ESYT2: variants seen among roughly 807,000 people sequenced by gnomAD.
ESYT2 encodes the protein extended synaptotagmin-2.
Under a neutral mutation model 107.2 loss-of-function variants are expected in ESYT2, and 54 were observed. The ratio of observed to expected loss-of-function variants is 0.50; its 90% CI spans 0.40 to 0.63. ESYT2 has a LOEUF of 0.63. Among genes scored for constraint, ESYT2 ranks in the 30% least tolerant of loss-of-function variants. ESYT2 has a pLI of 0.00. For synonymous variants in ESYT2, 491 were observed against 434.1 expected (o/e 1.13, Z -1.63); for missense variants, 1,020 against 1,094.5 (o/e 0.93, Z 0.96).
chr7:158,809,577 A>G (rs940654586), intron 1 of ESYT2, among the ~76,000 whole-genome samples: 9 of 152,164 alleles, frequency 5.9e-5, no homozygotes, highest in Non-Finnish European at 4.4e-5. Context: ...GAAGCACATG[A>G]AAAGATGCTC....
intron 1 of ESYT2, among the ~76,000 whole-genome samples, chr7:158,815,086 G>A (rs978394518): frequency 3.3e-5 from 5 of 152,198 alleles, no homozygotes; most frequent in African/African-American, 1.2e-4. Context: ...TGACTTCCAT[G>A]TAAAGAGTTA....
At chr7:158,737,285 A>G in intron 19 of ESYT2, 106 bp from the exon 20 acceptor site, 1 of 1,399,272 alleles carries the variant, frequency 7.1e-7, no homozygotes. Context: ...TTTATCTACA[A>G]ACCGAGAAGC....
chr7:158,735,329 C>G (rs1331053754), intron 21 of ESYT2, among the ~76,000 whole-genome samples, 174 bp downstream of exon 21: 1 of 152,216 alleles, frequency 6.6e-6, no homozygotes, highest in Admixed American at 6.5e-5. Context: ...CTTAAAATAT[C>G]TTCAGAAAGC....
At chr7:158,735,267 AAG>A (rs1836889305) in intron 21 of ESYT2, among the ~76,000 whole-genome samples, 1 of 152,362 alleles carries the variant, frequency 6.6e-6, no homozygotes, top group African/African-American at 2.4e-5. Flanking sequence ...ATGGAATTGT[AAG>A]AGATTATTTT....
At chr7:158,739,230 A>T in intron 18 of ESYT2, 109 bp from the exon 19 acceptor site, 1 of 893,830 alleles carries the variant, frequency 1.1e-6, no homozygotes, top group Non-Finnish European at 1.7e-6. Context: ...AGACAAAAAG[A>T]AGTCAAATTA....
intron 13 of ESYT2, among the ~76,000 whole-genome samples, chr7:158,755,560 G>T (rs186651765): frequency 1.3e-5 from 2 of 152,156 alleles, no homozygotes; most frequent in African/African-American, 2.4e-5. Context: ...ATTTACACTA[G>T]TCTATGATGA....
intron 16 of ESYT2, among the ~76,000 whole-genome samples, chr7:158,745,864 T>A (rs540620485): frequency 2.9e-3 from 447 of 152,312 alleles, no homozygotes; most frequent in Non-Finnish European, 5.3e-3. Context: ...GTGAAATTTA[T>A]TGGAGTAAAT....
chr7:158,733,925 C>T lies in ESYT2; in HGVS notation c.*282G>A. Reference sequence around the variant, plus strand: ...CATAATAAAGCACAGACACATCCGACTCCTACGGACACAGCTGAGCAGAGT... The same window carrying T: ...CATAATAAAGCACAGACACATCCGATTCCTACGGACACAGCTGAGCAGAGT... On this transcript the variant is annotated 3_prime_UTR_variant, in exon 23 of 23. Coordinates refer to ENST00000275418, the MANE Select transcript of ESYT2 (RefSeq NM_001367773.1). 1 of 429,224 alleles carries T rather than the reference C, an allele frequency of 2.3e-6. No homozygotes were observed. The highest frequency in any genetic ancestry group is 4.3e-6 in the Non-Finnish European group (1 of 235,248). 26.6% of individuals were successfully genotyped at this position (429,224 alleles called of 1,614,324 possible).
At chr7:158,757,060 G>GT (rs1349617538) in intron 13 of ESYT2, among the ~76,000 whole-genome samples, 2 of 151,908 alleles carry the variant, frequency 1.3e-5, no homozygotes, top group Non-Finnish European at 1.5e-5. Context: ...CTCAGGAGAG[G>GT]TTTTTTTCAA....
chr7:158,747,571 G>A (rs898118849), intron 16 of ESYT2, among the ~76,000 whole-genome samples: 2 of 152,098 alleles, frequency 1.3e-5, no homozygotes, highest in Non-Finnish European at 2.9e-5. Context: ...CAGCACTGGC[G>A]AGATGTGGGG....
At chr7:158,817,423 A>G (rs1309824691) in intron 1 of ESYT2, among the ~76,000 whole-genome samples, 1 of 152,196 alleles carries the variant, frequency 6.6e-6, no homozygotes, top group African/African-American at 2.4e-5. Context: ...AATCAGAAAA[A>G]TCTTTGAGTC....
intron 1 of ESYT2, among the ~76,000 whole-genome samples, chr7:158,807,431 G>A (rs1018004755): frequency 6.6e-6 from 1 of 151,964 alleles, no homozygotes; most frequent in African/African-American, 2.4e-5. Flanking sequence ...AAATTATCGC[G>A]ACTTATGAGA....
intron 6 of ESYT2, among the ~76,000 whole-genome samples, chr7:158,777,177 C>T (rs1405879360): frequency 2.6e-5 from 4 of 151,998 alleles, no homozygotes; most frequent in Non-Finnish European, 5.9e-5. Flanking sequence ...AAGTGAGAGG[C>T]GTTCAACTCT....
chr7:158,791,305 A>G (rs1284238978), intron 4 of ESYT2, among the ~76,000 whole-genome samples: 2 of 152,226 alleles, frequency 1.3e-5, no homozygotes, highest in Non-Finnish European at 2.9e-5. Context: ...TACAGGCCAC[A>G]TTCTGCTTAT....
intron 5 of ESYT2, 89 bp from the exon 6 acceptor site, chr7:158,788,182 C>T: frequency 8.0e-7 from 1 of 1,250,426 alleles, no homozygotes; most frequent in Non-Finnish European, 1.2e-6. Context: ...ATCTTAGTAA[C>T]TTTTGAGCAT....
At chr7:158,812,178 G>A (rs1347869899) in intron 1 of ESYT2, among the ~76,000 whole-genome samples, 1 of 152,232 alleles carries the variant, frequency 6.6e-6, no homozygotes, top group Non-Finnish European at 1.5e-5. Flanking sequence ...AGAGGACGGG[G>A]GAGCCCCTCT....
intron 1 of ESYT2, among the ~76,000 whole-genome samples, chr7:158,821,464 C>T (rs1305375371): frequency 6.6e-6 from 1 of 152,238 alleles, no homozygotes; most frequent in Non-Finnish European, 1.5e-5. Context: ...TACACAGTAG[C>T]TTTCCTTTTC....
At position 158,738,340 on chromosome 7, in the gene ESYT2, CACAG is replaced by C. The variant is rs1359357695; in HGVS notation, c.2267+679_2267+682del. Among the ~76,000 whole-genome samples, 548 of 64,070 alleles carry C rather than the reference CACAG, an allele frequency of 8.6e-3. 13 individuals carry two copies. The highest frequency in any genetic ancestry group is 0.05 in the East Asian group (128 of 2,568). The allele number at this position is 64,070 out of a possible 152,430, so 42.0% of individuals were successfully genotyped here. A position where few individuals can be genotyped will look rare whatever the true frequency, so the allele number is the denominator to read the frequency against. ...AAAAAAAAAAAAATACACACACACA[CACAG>C]ACACACACACACACACACACACACA... On this transcript the variant is annotated intron_variant, in intron 19 of 22. Coordinates refer to ENST00000275418, the MANE Select transcript of ESYT2 (RefSeq NM_001367773.1).
At position 158,739,141 on chromosome 7, in the gene ESYT2, A is replaced by T. The variant is rs1306512364; in HGVS notation, c.2169-20T>A. On this transcript the variant is annotated intron_variant, in intron 18 of 22. Transcript: ENST00000275418. The stretch of plus-strand genomic sequence containing the variant: ...GTCCCGCTGTGGGAAAAGAGCAGAA[A>T]GTCACCAGCTTGCCTGAGACTGGAG... 6.2e-7 allele frequency: 1 copy of T among 1,610,264 alleles called. No individual in the cohort carries two copies.
Sources: gnomAD v4.1 joint callset for allele counts (sites outside exome capture counted in the v4.1 genomes callset) on GRCh38, gnomAD v4.1.1 for gene constraint, MANE v1.5 for transcripts, NCBI Gene and HGNC (gene_info 2026-07-23, HGNC 2026-07-21) for gene names.